The following HSD17B3 variants were observed in gnomAD, a reference collection of about 807,000 sequenced individuals.
HSD17B3 encodes the protein 17-beta-hydroxysteroid dehydrogenase type 3.
In HSD17B3, 29 loss-of-function variants were observed where a neutral mutation model predicts 41.1. That is an observed-to-expected ratio of 0.71 (90% confidence interval 0.53 to 0.96). HSD17B3 has a LOEUF of 0.96. HSD17B3 is among the 40% of genes least tolerant of loss of function. The pLI is 0.00. For missense variants in HSD17B3, 323 were observed against 374.6 expected (o/e 0.86, Z 1.14); for synonymous variants, 126 against 145.6 (o/e 0.87, Z 0.97).
At chr9:96,236,306 C>T (rs1836236468) in intron 10 of HSD17B3, among the ~76,000 whole-genome samples, 1 of 151,482 alleles carries the variant, frequency 6.6e-6, no homozygotes, top group South Asian at 2.1e-4. Flanking sequence ...CACTTGAGGT[C>T]AGGAGTTTGA....
rs140887881 is a variant in HSD17B3, at chr9:96,259,365, T to C, written c.202-4422A>G. Among the ~76,000 whole-genome samples the C allele has an allele frequency of 2.2e-3, 338 of 152,308 alleles. 8 individuals carry two copies. The highest frequency in any genetic ancestry group is 7.8e-4 in the Non-Finnish European group (53 of 68,026). On this transcript the variant is annotated intron_variant, in intron 2 of 10. Transcript: ENST00000375263. ...AATAGGTAGGTTCAATTCCTGTCTCTACCACTTATTTCCATCAGCGCAAGT... is the reference window on the plus strand; with the variant it reads ...AATAGGTAGGTTCAATTCCTGTCTCCACCACTTATTTCCATCAGCGCAAGT...
At chr9:96,279,506 A>T (rs776471409) in intron 2 of HSD17B3, among the ~76,000 whole-genome samples, 2 of 152,134 alleles carry the variant, frequency 1.3e-5, no homozygotes, top group African/African-American at 2.4e-5. Flanking sequence ...TATGCAGATG[A>T]AGCCTCCAGG....
chr9:96,270,598 T>G (rs555472026), intron 2 of HSD17B3, among the ~76,000 whole-genome samples: 81 of 152,240 alleles, frequency 5.3e-4, no homozygotes, highest in Non-Finnish European at 1.1e-3. Flanking sequence ...GTTATTTTTC[T>G]TGGGTTGGTC....
Position 96,283,767 on chromosome 9 carries a change from C to A in HSD17B3, c.201+14649G>T, listed in dbSNP as rs1252900731. 2.0e-5 allele frequency among the ~76,000 whole-genome samples: 3 copies of A among 152,034 alleles called. No homozygotes were observed. In the East Asian group the frequency reaches 5.8e-4, roughly 29 times the overall value. On this transcript the variant is annotated intron_variant, in intron 2 of 10. Transcript: ENST00000375263. ...GTCCTCTTTGGAAGATGGTTTATAACTAGTTATAGAGCTCTAACAAGTGCT... is the reference window on the plus strand; with the variant it reads ...GTCCTCTTTGGAAGATGGTTTATAAATAGTTATAGAGCTCTAACAAGTGCT...
intron 2 of HSD17B3, among the ~76,000 whole-genome samples, chr9:96,293,321 C>G (rs1219652448): frequency 6.6e-6 from 1 of 152,116 alleles, no homozygotes; most frequent in Non-Finnish European, 1.5e-5. Flanking sequence ...CTCGTCTCGT[C>G]AGCTGAGGGC....
At chr9:96,285,032 T>C (rs568274212) in intron 2 of HSD17B3, among the ~76,000 whole-genome samples, 12 of 151,796 alleles carry the variant, frequency 7.9e-5, no homozygotes, top group Admixed American at 5.3e-4. Context: ...AGAGACGGGG[T>C]TTCACCATGT....
chr9:96,242,487 T>A (rs1836495042), intron 9 of HSD17B3, among the ~76,000 whole-genome samples: 1 of 152,248 alleles, frequency 6.6e-6, no homozygotes, highest in Non-Finnish European at 1.5e-5. Flanking sequence ...ATCACTCAGA[T>A]GATAAGTGGT....
intron 10 of HSD17B3, among the ~76,000 whole-genome samples, chr9:96,235,866 C>T (rs1382242618): frequency 6.6e-6 from 1 of 152,010 alleles, no homozygotes; most frequent in Non-Finnish European, 1.5e-5. Flanking sequence ...AGTGCAGTGG[C>T]ACGATCACGA....
intron 3 of HSD17B3, 41 bp downstream of exon 3, chr9:96,254,827 A>G: frequency 6.5e-7 from 1 of 1,546,028 alleles, no homozygotes; most frequent in South Asian, 1.1e-5. Context: ...GCTTGGTTGG[A>G]GGGCTCCACA....
intron 5 of HSD17B3, chr9:96,250,349 G>A: frequency 1.9e-6 from 2 of 1,076,958 alleles, no homozygotes; most frequent in African/African-American, 1.6e-5. Flanking sequence ...CAGAGTGTGG[G>A]AGACAGAGCC....
At chr9:96,265,952 A>G (rs1238910591) in intron 2 of HSD17B3, among the ~76,000 whole-genome samples, 1 of 152,160 alleles carries the variant, frequency 6.6e-6, no homozygotes, top group Admixed American at 6.5e-5. Context: ...AACACAGAAT[A>G]GGGGCAGATG....
intron 2 of HSD17B3, among the ~76,000 whole-genome samples, chr9:96,280,938 G>A (rs1048777333): frequency 2.0e-5 from 3 of 152,162 alleles, no homozygotes; most frequent in African/African-American, 7.2e-5. Flanking sequence ...TGGTCTAAAA[G>A]GGGAGGCATG....
At chr9:96,268,903 C>T (rs1225078487) in intron 2 of HSD17B3, among the ~76,000 whole-genome samples, 5 of 151,998 alleles carry the variant, frequency 3.3e-5, no homozygotes, top group African/African-American at 9.7e-5. Context: ...GAGCCGAGAT[C>T]GTGGCACTGC....
chr9:96,262,999 C>A (rs1825918445), intron 2 of HSD17B3, among the ~76,000 whole-genome samples: 1 of 152,178 alleles, frequency 6.6e-6, no homozygotes, highest in Non-Finnish European at 1.5e-5. Context: ...GCTTTCTTTG[C>A]CATTTGTCTC....
chr9:96,272,675 T>A (rs1826311401), intron 2 of HSD17B3, among the ~76,000 whole-genome samples: 1 of 151,302 alleles, frequency 6.6e-6, no homozygotes, highest in African/African-American at 2.4e-5. Context: ...AAACTAAACA[T>A]GCAACTTCCA....
chr9:96,243,162 A>G (rs1486099180), intron 9 of HSD17B3, among the ~76,000 whole-genome samples: 1 of 152,226 alleles, frequency 6.6e-6, no homozygotes, highest in Non-Finnish European at 1.5e-5. Flanking sequence ...TTGTTGTTTT[A>G]AGCCACTGAG....
chr9:96,266,906 T>C (rs1826060214), intron 2 of HSD17B3, among the ~76,000 whole-genome samples: 1 of 152,072 alleles, frequency 6.6e-6, no homozygotes, highest in Admixed American at 6.6e-5. Context: ...ATGGTTTTTC[T>C]CTGCGGAATC....
intron 1 of HSD17B3, among the ~76,000 whole-genome samples, chr9:96,301,666 G>A (rs1393665594): frequency 2.8e-5 from 4 of 145,336 alleles, no homozygotes; most frequent in African/African-American, 7.7e-5. Context: ...AGCAGAGATC[G>A]CACTACTGCA....
chr9:96,256,182 G>C (rs1376453852), intron 2 of HSD17B3: 2 of 152,108 alleles, frequency 1.3e-5, no homozygotes, highest in East Asian at 3.8e-4. Flanking sequence ...TTTAATTGTG[G>C]TAAAATACAC....
Sources: gnomAD v4.1 joint callset for allele counts (sites outside exome capture counted in the v4.1 genomes callset) on GRCh38, gnomAD v4.1.1 for gene constraint, MANE v1.5 for transcripts, NCBI Gene and HGNC (gene_info 2026-07-23, HGNC 2026-07-21) for gene names.